The following AKAP19 variants were observed in gnomAD, a reference collection of about 807,000 sequenced individuals.
AKAP19 encodes A-kinase anchoring protein 19.
chr2:189,948,821 A>AT, the AKAP19 span, among the ~76,000 whole-genome samples: 2,243 of 150,528 alleles, frequency 0.015, 58 homozygotes, highest in African/African-American at 0.052. Flanking sequence ...TAGTAAAATC[A>AT]TTTTTTTTTC....
the AKAP19 span, among the ~76,000 whole-genome samples, chr2:189,955,087 G>A: frequency 2.0e-5 from 3 of 152,118 alleles, no homozygotes; most frequent in Admixed American, 6.6e-5. Flanking sequence ...TGTTTCATCT[G>A]TACCTGCCTC....
the AKAP19 span, among the ~76,000 whole-genome samples, chr2:189,960,596 T>G: frequency 1.3e-5 from 2 of 152,318 alleles, no homozygotes; most frequent in Admixed American, 6.5e-5. Flanking sequence ...CATTCTGGCT[T>G]TTCTCAGATA....
At chr2:190,011,930 A>G in the AKAP19 span, among the ~76,000 whole-genome samples, 2 of 151,864 alleles carry the variant, frequency 1.3e-5, no homozygotes, top group African/African-American at 4.8e-5. Flanking sequence ...TTTTGGTTCT[A>G]TATGAATTTT....
chr2:190,136,538 G>A, the AKAP19 span, among the ~76,000 whole-genome samples: 28 of 152,080 alleles, frequency 1.8e-4, 1 homozygote, highest in Admixed American at 1.8e-3. Context: ...AAGTAAACAA[G>A]CCTGTTTGAG....
chr2:190,127,668 G>A, the AKAP19 span, among the ~76,000 whole-genome samples: 1 of 152,042 alleles, frequency 6.6e-6, no homozygotes, highest in African/African-American at 2.4e-5. Context: ...ATACCAAGAA[G>A]GCAATGTTTA....
chr2:190,111,108 C>T, the AKAP19 span, among the ~76,000 whole-genome samples: 1 of 152,114 alleles, frequency 6.6e-6, no homozygotes, highest in African/African-American at 2.4e-5. Context: ...CACAGAGCCC[C>T]CCCAGAGCAC....
chr2:190,158,750 G>A, the AKAP19 span, among the ~76,000 whole-genome samples: 4 of 152,334 alleles, frequency 2.6e-5, no homozygotes, highest in African/African-American at 7.2e-5. Context: ...GGCAGAGCAT[G>A]CATAAGAGGC....
the AKAP19 span, among the ~76,000 whole-genome samples, chr2:189,965,952 A>ATGTGTG: frequency 1.0e-3 from 152 of 149,904 alleles, 1 homozygote; most frequent in African/African-American, 3.5e-3. Flanking sequence ...GTATGTATGT[A>ATGTGTG]TGTGTGTGTG....
At chr2:190,156,847 C>T in the AKAP19 span, among the ~76,000 whole-genome samples, 2 of 152,092 alleles carry the variant, frequency 1.3e-5, no homozygotes, top group African/African-American at 4.8e-5. Context: ...CTGGTATTAT[C>T]CATTGTAATT....
chr2:190,059,393 G>A, the AKAP19 span, among the ~76,000 whole-genome samples: 1 of 151,904 alleles, frequency 6.6e-6, no homozygotes, highest in African/African-American at 2.4e-5. Flanking sequence ...GCACAAGAAT[G>A]CTAAGGCAGC....
At chr2:190,146,200 T>C in the AKAP19 span, among the ~76,000 whole-genome samples, 4,620 of 152,280 alleles carry the variant, frequency 0.03, 100 homozygotes, top group Non-Finnish European at 0.049. Context: ...ATCATTCTTA[T>C]GCCTTTGCAT....
At chr2:190,116,245 G>T in the AKAP19 span, among the ~76,000 whole-genome samples, 1 of 152,110 alleles carries the variant, frequency 6.6e-6, no homozygotes, top group Non-Finnish European at 1.5e-5. Context: ...GAAATTTATG[G>T]GCTCATGGTT....
At chr2:190,201,301 A>T in the AKAP19 span, 1 of 166,924 alleles carries the variant, frequency 6.0e-6, no homozygotes, top group Non-Finnish European at 1.5e-5. Context: ...AGGATTAAGT[A>T]CTGTTTGAAG....
chr2:190,076,726 C>T, the AKAP19 span, among the ~76,000 whole-genome samples: 13 of 152,142 alleles, frequency 8.5e-5, no homozygotes, highest in Admixed American at 8.5e-4. Context: ...TAATTCTCAG[C>T]AGTGGTATTT....
chr2:189,954,237 G>T, the AKAP19 span, among the ~76,000 whole-genome samples: 14 of 152,298 alleles, frequency 9.2e-5, no homozygotes, highest in South Asian at 6.2e-4. Flanking sequence ...TTTCTCATAA[G>T]AAAATTGTTT....
At chr2:189,895,451 T>C in the AKAP19 span, among the ~76,000 whole-genome samples, 1 of 152,334 alleles carries the variant, frequency 6.6e-6, no homozygotes, top group African/African-American at 2.4e-5. Context: ...TCTTTATCTT[T>C]ATTGCCTAGC....
the AKAP19 span, among the ~76,000 whole-genome samples, chr2:190,159,659 C>T: frequency 0.014 from 2,192 of 152,206 alleles, 53 homozygotes; most frequent in African/African-American, 0.05. Context: ...ATTCTTCTAG[C>T]CAACATGATG....
chr2:190,003,125 A>G, the AKAP19 span, among the ~76,000 whole-genome samples: 1 of 152,094 alleles, frequency 6.6e-6, no homozygotes, highest in African/African-American at 2.4e-5. Flanking sequence ...TTCTGATAGA[A>G]CACTATTGAC....
chr2:190,194,585 G>A, the AKAP19 span, among the ~76,000 whole-genome samples: 1 of 151,744 alleles, frequency 6.6e-6, no homozygotes, highest in Non-Finnish European at 1.5e-5. Context: ...TTCATTCCTG[G>A]TGTTGTACAA....
Sources: gnomAD v4.1 joint callset for allele counts (sites outside exome capture counted in the v4.1 genomes callset) on GRCh38, gnomAD v4.1.1 for gene constraint, MANE v1.5 for transcripts, NCBI Gene and HGNC (gene_info 2026-07-23, HGNC 2026-07-21) for gene names.